PLEKHM3: variants seen among roughly 807,000 people sequenced by gnomAD.
The protein encoded by PLEKHM3 is pleckstrin homology domain containing M3, also known as pleckstrin homology domain-containing family M member 3.
A neutral mutation model predicts 81.8 loss-of-function variants in PLEKHM3; 45 were observed. That is an observed-to-expected ratio of 0.55 (90% confidence interval 0.43 to 0.71). The LOEUF (loss-of-function observed/expected upper bound fraction) is 0.71. Ranked by LOEUF, PLEKHM3 falls within the 30% of genes least tolerant of loss-of-function variation. PLEKHM3 has a pLI of 0.00. For synonymous variants in PLEKHM3, 352 were observed against 356.4 expected, an observed-to-expected ratio of 0.99 and a Z score of 0.14; for missense variants, 788 against 924.3, an observed-to-expected ratio of 0.85 and a Z score of 1.91.
intron 3 of PLEKHM3, among the ~76,000 whole-genome samples, chr2:207,948,026 T>C (rs1690192956): frequency 6.6e-6 from 1 of 152,186 alleles, no homozygotes; most frequent in African/African-American, 2.4e-5. Context: ...GTATTAGGCT[T>C]CCAGAGCTTG....
At chr2:207,999,022 C>T (rs1692208495) in intron 2 of PLEKHM3, among the ~76,000 whole-genome samples, 1 of 151,858 alleles carries the variant, frequency 6.6e-6, no homozygotes, top group Non-Finnish European at 1.5e-5. Flanking sequence ...GAGTCTCCCT[C>T]TGTCACCCAG....
chr2:207,859,136 C>CTT lies in PLEKHM3; in HGVS notation c.2108+1967_2108+1968dup, dbSNP rs371493664. 6.2e-3 allele frequency among the ~76,000 whole-genome samples: 735 copies of CTT among 118,292 alleles called. 9 individuals are homozygous for CTT. The highest frequency in any genetic ancestry group is 0.011 in the African/African-American group (364 of 31,878). The allele number at this position is 118,292 out of a possible 152,430, so 77.6% of individuals were successfully genotyped here. A position where few individuals can be genotyped will look rare whatever the true frequency, so the allele number is the denominator to read the frequency against. On this transcript the variant is annotated intron_variant, in intron 7 of 7. Coordinates refer to ENST00000427836, the MANE Select transcript of PLEKHM3 (RefSeq NM_001080475.3). ...ATGTATCAGTACGTTTTTTCTTTTT[C>CTT]TTTTTTTTTTTTTTTTTTGAGATGG...
chr2:208,001,026 A>T lies in PLEKHM3; in HGVS notation c.610+4T>A. 1 of 1,502,428 alleles carries T rather than the reference A, an allele frequency of 6.7e-7. No individual in the cohort carries two copies. Among genetic ancestry groups the T allele is most frequent in the Non-Finnish European group, 8.9e-7 (1 of 1,127,750 alleles). 93.1% of individuals were successfully genotyped at this position (1,502,428 alleles called of 1,614,324 possible). A position where few individuals can be genotyped will look rare whatever the true frequency, so the allele number is the denominator to read the frequency against. ...AAGGAAATAAATAAAATTTAAAAAC[A>T]TACCAGTATTTCCTTGAGCATCTTC... On this transcript the variant is annotated splice_donor_region_variant and intron_variant, in intron 2 of 7. Coordinates refer to ENST00000427836, the MANE Select transcript of PLEKHM3 (RefSeq NM_001080475.3).
intron 6 of PLEKHM3, among the ~76,000 whole-genome samples, chr2:207,874,950 AT>A (rs1216865555): frequency 6.6e-6 from 1 of 152,222 alleles, no homozygotes; most frequent in African/African-American, 2.4e-5. Flanking sequence ...ACCATAAAAT[AT>A]TTTTAAAACT....
chr2:207,875,622 G>A (rs2092556226), intron 6 of PLEKHM3, among the ~76,000 whole-genome samples: 1 of 152,126 alleles, frequency 6.6e-6, no homozygotes, highest in Non-Finnish European at 1.5e-5. Context: ...TGCAGTATAG[G>A]TCCTCAAAGA....
intron 5 of PLEKHM3, among the ~76,000 whole-genome samples, chr2:207,922,004 G>C (rs1248400804): frequency 6.6e-6 from 1 of 152,178 alleles, no homozygotes; most frequent in Non-Finnish European, 1.5e-5. Flanking sequence ...ACACCCAGTA[G>C]TAGGATTGCT....
In PLEKHM3 at chr2:207,987,774, A is replaced by G. The variant is rs115958228; in HGVS notation, c.611-10188T>C. ...TTTACACAGGCATTTTTCTCAGTCC[A>G]CCTCACCTGCCTTCCACTCCATCTT... On this transcript the variant is annotated intron_variant, in intron 2 of 7. Transcript: ENST00000427836. Among the ~76,000 whole-genome samples the G allele has an allele frequency of 8.2e-3, 1,249 of 152,094 alleles. 24 individuals carry two copies. The highest frequency in any genetic ancestry group is 0.028 in the African/African-American group (1,179 of 41,474).
At chr2:207,867,147 A>C (rs1042877406) in intron 6 of PLEKHM3, among the ~76,000 whole-genome samples, 1 of 152,212 alleles carries the variant, frequency 6.6e-6, no homozygotes, top group African/African-American at 2.4e-5. Flanking sequence ...GTCAGCAGTC[A>C]TATCTTAGGT....
intron 1 of PLEKHM3, among the ~76,000 whole-genome samples, chr2:208,006,101 C>T (rs1692485613): frequency 1.3e-5 from 2 of 152,306 alleles, no homozygotes; most frequent in Non-Finnish European, 1.5e-5. Flanking sequence ...ACACCGTGAC[C>T]TTCTTACTTA....
At chr2:207,930,547 T>A (rs921685639) in intron 5 of PLEKHM3, among the ~76,000 whole-genome samples, 1 of 152,186 alleles carries the variant, frequency 6.6e-6, no homozygotes, top group Non-Finnish European at 1.5e-5. Flanking sequence ...TATTTTTTGC[T>A]GATGAGAAAC....
chr2:207,884,655 C>A (rs1288477124), intron 6 of PLEKHM3, among the ~76,000 whole-genome samples: 1 of 152,114 alleles, frequency 6.6e-6, no homozygotes, highest in Admixed American at 6.5e-5. Context: ...GTAATACATT[C>A]TTCATTTTCA....
chr2:208,016,907 C>T (rs1692941656), intron 1 of PLEKHM3, among the ~76,000 whole-genome samples: 1 of 152,032 alleles, frequency 6.6e-6, no homozygotes, highest in Non-Finnish European at 1.5e-5. Context: ...TTCCAGGATC[C>T]CCTCAGATAC....
intron 6 of PLEKHM3, among the ~76,000 whole-genome samples, chr2:207,887,416 A>C (rs573347680): frequency 1.3e-5 from 2 of 152,366 alleles, no homozygotes; most frequent in African/African-American, 4.8e-5. Context: ...CCACAGAGAA[A>C]GGATTTTAGG....
chr2:207,833,647 C>T (rs1222195602), intron 7 of PLEKHM3, among the ~76,000 whole-genome samples: 3 of 152,188 alleles, frequency 2.0e-5, no homozygotes, highest in Non-Finnish European at 4.4e-5. Flanking sequence ...TGGCCTCTCT[C>T]GGCTAGATGC....
intron 7 of PLEKHM3, among the ~76,000 whole-genome samples, chr2:207,833,646 T>C (rs1487749396): frequency 1.3e-5 from 2 of 152,188 alleles, no homozygotes; most frequent in Non-Finnish European, 2.9e-5. Context: ...CTGGCCTCTC[T>C]CGGCTAGATG....
intron 5 of PLEKHM3, among the ~76,000 whole-genome samples, chr2:207,922,551 G>A (rs1689218745): frequency 6.6e-6 from 1 of 151,938 alleles, no homozygotes; most frequent in Non-Finnish European, 1.5e-5. Context: ...GGTGGCTCAC[G>A]CCTGTAATCC....
intron 1 of PLEKHM3, among the ~76,000 whole-genome samples, chr2:208,023,426 C>T (rs1199711073): frequency 6.6e-6 from 1 of 152,110 alleles, no homozygotes; most frequent in Non-Finnish European, 1.5e-5. Context: ...CCCATTAAAC[C>T]AGGAGTCCCC....
Position 207,879,932 on chromosome 2 carries a change from T to C in PLEKHM3, c.1951-18670A>G, listed in dbSNP as rs965887523. 4.6e-5 allele frequency among the ~76,000 whole-genome samples: 7 copies of C among 151,876 alleles called. No individual in the cohort carries two copies. The East Asian group carries it at 1.4e-3, about 29-fold the overall frequency. On this transcript the variant is annotated intron_variant, in intron 6 of 7. Coordinates refer to ENST00000427836, the MANE Select transcript of PLEKHM3 (RefSeq NM_001080475.3). ...GCTCCTTCTGTACATCAAAAGTGAA[T>C]ATTAATGTACAATCTACACAAGTCT...
At chr2:207,859,733 G>C (rs1161572161) in intron 7 of PLEKHM3, among the ~76,000 whole-genome samples, 1 of 151,778 alleles carries the variant, frequency 6.6e-6, no homozygotes, top group Non-Finnish European at 1.5e-5. Flanking sequence ...GAGTAGCTGG[G>C]GTTACAGGTG....
Sources: allele counts gnomAD v4.1 joint callset (sites outside exome capture counted in the v4.1 genomes callset), GRCh38; gene constraint gnomAD v4.1.1; transcripts MANE v1.5; gene names NCBI Gene and HGNC (gene_info 2026-07-23, HGNC 2026-07-21).